CFAP65: variants seen among roughly 807,000 people sequenced by gnomAD.
The protein encoded by CFAP65 is cilia- and flagella-associated protein 65.
CFAP65 carries 155 observed loss-of-function variants against 208.0 expected under a neutral mutation model. The ratio of observed to expected loss-of-function variants is 0.75; its 90% confidence interval spans 0.65 to 0.85. CFAP65 has a LOEUF of 0.85. CFAP65 is among the 40% of genes least tolerant of loss of function. The pLI, the probability that CFAP65 is intolerant of heterozygous loss-of-function variation, is 0.00. For missense variants in CFAP65, 2,294 were observed against 2,451.3 expected, an observed-to-expected ratio of 0.94 and a Z score of 1.36; for synonymous variants, 970 against 986.3, an observed-to-expected ratio of 0.98 and a Z score of 0.31.
At chr2:219,033,995 A>C (rs756573760) in intron 5 of CFAP65, 1 of 152,222 alleles carries the variant, frequency 6.6e-6, no homozygotes, top group Non-Finnish European at 1.5e-5. Flanking sequence ...CAACTAAAAA[A>C]TATGTCATAT....
Position 219,038,463 on chromosome 2 carries a change from C to A in CFAP65, c.269G>T (p.Gly90Val). ...NSRNHTVNSG[G>V]SCLSASTVAI... Reference sequence around the variant, plus strand: ...CACTGTGCTGGCACTCAGGCAGGATCCACCAGAGTTCACGGTGTGGTTCCT... The same window carrying A: ...CACTGTGCTGGCACTCAGGCAGGATACACCAGAGTTCACGGTGTGGTTCCT... The change falls in exon 4 of 35, where the codon GGA becomes GTA. Residue 90 changes from glycine (G) to valine (V), a missense_variant. This residue lies in a region of CFAP65 where 867 missense variants were observed against 1,012.6 expected (regional missense o/e 0.86). Coordinates refer to ENST00000341552, the MANE Select transcript of CFAP65 (RefSeq NM_194302.4). 1.2e-6 allele frequency: 2 copies of A among 1,614,142 alleles called. No individual in the cohort carries two copies. The highest frequency in any genetic ancestry group is 1.7e-6 in the Non-Finnish European group (2 of 1,180,040).
At chr2:219,009,236 G>A in intron 28 of CFAP65, 82 bp from the exon 29 acceptor site, 3 of 1,481,370 alleles carry the variant, frequency 2.0e-6, no homozygotes, top group Non-Finnish European at 2.8e-6. Context: ...CCCTTCCAAG[G>A]GCTGACTTCT....
At chr2:219,024,471 G>A (rs1250971596) in intron 14 of CFAP65, among the ~76,000 whole-genome samples, 3 of 124,016 alleles carry the variant, frequency 2.4e-5, no homozygotes, top group South Asian at 6.0e-4. Context: ...CCTCCAGAAA[G>A]GGGCGGGGGG....
At chr2:219,039,154 T>C in intron 2 of CFAP65, 104 bp from the exon 3 acceptor site, 1 of 1,017,236 alleles carries the variant, frequency 9.8e-7, no homozygotes, top group East Asian at 2.5e-5. Flanking sequence ...CACATATATT[T>C]GTATATATGC....
In CFAP65 at chr2:219,009,466, G is replaced by C. The variant is rs1946275539; in HGVS notation, c.4453-6C>G. 6.3e-7 allele frequency: 1 copy of C among 1,595,516 alleles called. No individual in the cohort carries two copies. The highest frequency in any genetic ancestry group is 1.3e-5 in the African/African-American group (1 of 74,588). Reference sequence around the variant, plus strand: ...ATCATGGGACTCACAGACACCTGTTGATTTGGGGAAGGAGTCTCTGGAGAT... The same window carrying C: ...ATCATGGGACTCACAGACACCTGTTCATTTGGGGAAGGAGTCTCTGGAGAT... On this transcript the variant is annotated splice_polypyrimidine_tract_variant and splice_region_variant and intron_variant, in intron 27 of 34. Coordinates refer to ENST00000341552, the MANE Select transcript of CFAP65 (RefSeq NM_194302.4).
In CFAP65 at chr2:219,004,415, G is replaced by A. The variant is rs777029692; in HGVS notation, c.5092C>T (p.Gln1698Ter). The A allele has an allele frequency of 4.8e-5, 78 of 1,613,390 alleles. No homozygotes were observed. The highest frequency in any genetic ancestry group is 6.5e-5 in the Non-Finnish European group (77 of 1,179,772). ...TACGGCACCTGCTCCACCAGGCTTT[G>A]GTCCACAGCCTCATGGAAGTTCTTG... ...EDKNFHEAVD[Q>*]SLVEQVPYFR... Residue 1698 changes from glutamine (Q) to a stop codon, truncating the protein, a stop_gained, in exon 33 of 35, where the codon CAA (glutamine) becomes TAA (stop). Coordinates refer to ENST00000341552, the MANE Select transcript of CFAP65 (RefSeq NM_194302.4). LOFTEE classifies it high-confidence loss of function. This position sits in a 1 kb window ranked among gnomAD's most constrained non-coding sequence, Gnocchi z 4.7.
At chr2:219,010,412 G>T (rs1209208044) in intron 26 of CFAP65, 134 bp downstream of exon 26, 2 of 944,428 alleles carry the variant, frequency 2.1e-6, no homozygotes, top group Non-Finnish European at 3.1e-6. Flanking sequence ...GAGTTCCAAG[G>T]TCTCATCTCT....
chr2:219,009,632 G>A (rs1483739453), intron 27 of CFAP65, among the ~76,000 whole-genome samples, 172 bp from the exon 28 acceptor site: 1 of 120,892 alleles, frequency 8.3e-6, no homozygotes, highest in African/African-American at 4.2e-5. Context: ...GGGATGGGAT[G>A]GGATGGGATG....
chr2:219,028,231 G>A lies in CFAP65; in HGVS notation c.1821C>T (p.Asp607=). Residue 607 remains aspartate (D), a synonymous_variant, in exon 12 of 35, where the codon GAC becomes GAT. Transcript: ENST00000341552. ...TGGGAATCATGAGAGCCCCGTTCTG[G>A]TCCTGTGCCAGCTTCTTCTCCTTCA... ...AMLKEKKLAQ[D]QNGALMIPIQ... 1 of 1,614,084 alleles carries A rather than the reference G, an allele frequency of 6.2e-7. No individual in the cohort carries two copies. Among genetic ancestry groups the A allele is most frequent in the Non-Finnish European group, 8.5e-7 (1 of 1,179,980 alleles).
chr2:219,006,563 G>T, intron 29 of CFAP65, 54 bp from the exon 30 acceptor site: 1 of 1,571,236 alleles, frequency 6.4e-7, no homozygotes, highest in Non-Finnish European at 8.8e-7. Flanking sequence ...GCCGGGGGTG[G>T]TGCTTCATGC....
chr2:219,031,750 G>A lies in CFAP65; in HGVS notation c.646-92C>T. Reference sequence around the variant, plus strand: ...ACCCTCAGCCACCCCCAACACAACCGCTGAGGGGAGGGCCAGGCCGTGGCA... The same window carrying A: ...ACCCTCAGCCACCCCCAACACAACCACTGAGGGGAGGGCCAGGCCGTGGCA... On this transcript the variant is annotated intron_variant, in intron 6 of 34. Coordinates refer to ENST00000341552, the MANE Select transcript of CFAP65 (RefSeq NM_194302.4). The surrounding 1 kb of genome is among the most constrained non-coding windows in gnomAD (Gnocchi z 5.2). 3.4e-6 allele frequency: 5 copies of A among 1,468,804 alleles called. No homozygotes were observed. Among genetic ancestry groups the A allele is most frequent in the Non-Finnish European group, 3.7e-6 (4 of 1,088,666 alleles). 91.0% of individuals were successfully genotyped at this position (1,468,804 alleles called of 1,614,324 possible). A position where few individuals can be genotyped will look rare whatever the true frequency, so the allele number is the denominator to read the frequency against.
chr2:219,009,884 G>T, intron 27 of CFAP65, 58 bp downstream of exon 27: 2 of 1,524,320 alleles, frequency 1.3e-6, no homozygotes, highest in Non-Finnish European at 1.8e-6. Flanking sequence ...ATGGGGTCAG[G>T]TGGGGTTGGA....
intron 21 of CFAP65, among the ~76,000 whole-genome samples, chr2:219,017,666 T>C (rs570564443): frequency 2.4e-4 from 36 of 152,354 alleles, no homozygotes; most frequent in Non-Finnish European, 4.3e-4. Context: ...CGCCTCTGTT[T>C]CCAGCAGCCT....
Position 219,031,444 on chromosome 2 carries a change from C to T in CFAP65, c.815+45G>A. The T allele has an allele frequency of 1.2e-6, 2 of 1,613,688 alleles. No individual in the cohort carries two copies. The highest frequency in any genetic ancestry group is 1.7e-6 in the Non-Finnish European group (2 of 1,179,754). On this transcript the variant is annotated intron_variant, in intron 7 of 34. Coordinates refer to ENST00000341552, the MANE Select transcript of CFAP65 (RefSeq NM_194302.4). This position sits in a 1 kb window ranked among gnomAD's most constrained non-coding sequence, Gnocchi z 5.2. ...GTCTCTCCTGCTTCCAGACACCCTC[C>T]TCACAGCTCTTGCTCTCCCCGCCGC...
At chr2:219,018,413 G>A (rs1161687499) in intron 21 of CFAP65, 5 of 152,346 alleles carry the variant, frequency 3.3e-5, no homozygotes, top group East Asian at 1.9e-4. Context: ...CTCTGTCCCC[G>A]GCAGCAGGTC....
chr2:219,040,939 G>T (rs1574671604), intron 1 of CFAP65, among the ~76,000 whole-genome samples: 1 of 149,708 alleles, frequency 6.7e-6, no homozygotes, highest in African/African-American at 2.5e-5. Context: ...TGTGCAGCTC[G>T]AATGAAACAG....
chr2:219,026,738 C>T (rs779751518), intron 13 of CFAP65: 28 of 974,252 alleles, frequency 2.9e-5, no homozygotes, highest in African/African-American at 3.5e-5. Flanking sequence ...TCAGTAGCCA[C>T]GTGTGGCTGT....
At chr2:219,019,391 C>T in intron 20 of CFAP65, 115 bp downstream of exon 20, 1 of 1,113,538 alleles carries the variant, frequency 9.0e-7, no homozygotes, top group South Asian at 1.6e-5. Context: ...GGAGCTCTTC[C>T]CTCAAAGAGA....
intron 5 of CFAP65, chr2:219,034,686 C>A (rs1948244186): frequency 6.6e-6 from 1 of 152,052 alleles, no homozygotes; most frequent in Non-Finnish European, 1.5e-5. Flanking sequence ...AGAAAAAAGA[C>A]AAGATAATGT....
Sources: allele counts gnomAD v4.1 joint callset (sites outside exome capture counted in the v4.1 genomes callset), GRCh38; gene constraint gnomAD v4.1.1; regional missense constraint gnomAD v4.1.1; non-coding constraint Gnocchi (gnomAD v3.1); transcripts MANE v1.5; gene names NCBI Gene and HGNC (gene_info 2026-07-23, HGNC 2026-07-21).